PCDH11X: variants seen among roughly 807,000 people sequenced by gnomAD.
PCDH11X encodes the protein protocadherin-11 X-linked.
PCDH11X carries 18 observed loss-of-function variants against 53.3 expected under a neutral mutation model. The ratio of observed to expected loss-of-function variants is 0.34; its 90% CI spans 0.23 to 0.50. The LOEUF is 0.50. Ranked by LOEUF, PCDH11X falls within the 20% of genes least tolerant of loss-of-function variation. PCDH11X has a pLI of 0.98. For missense variants in PCDH11X, 570 were observed against 1,032.4 expected (o/e 0.55, Z 6.14); for synonymous variants, 279 against 393.3 (o/e 0.71, Z 3.44).
At chrX:92,127,083 T>C (rs1163464313) in intron 6 of PCDH11X, among the ~76,000 whole-genome samples, 6 of 111,003 alleles carry the variant, frequency 5.4e-5, no homozygotes. Context: ...GATTTTAGGA[T>C]AGTATGAAAA....
At chrX:92,059,942 G>C (rs917369011) in intron 6 of PCDH11X, among the ~76,000 whole-genome samples, 6 of 110,650 alleles carry the variant, frequency 5.4e-5, no homozygotes, top group African/African-American at 2.0e-4. Context: ...TATCTACTCT[G>C]CTTATATATG....
chrX:92,060,675 C>T (rs768665104), intron 6 of PCDH11X, among the ~76,000 whole-genome samples: 1 of 109,854 alleles, frequency 9.1e-6, no homozygotes, highest in South Asian at 3.9e-4. Context: ...TCTCTTATGG[C>T]TACATAGTAT....
intron 6 of PCDH11X, among the ~76,000 whole-genome samples, chrX:91,973,433 T>C (rs1256591968): frequency 1.1e-3 from 101 of 89,506 alleles, no homozygotes; most frequent in African/African-American, 4.1e-3. Context: ...AAACTTAAAG[T>C]ATAATAAAAA....
At chrX:92,175,201 T>C (rs1397750570) in intron 6 of PCDH11X, among the ~76,000 whole-genome samples, 1 of 111,202 alleles carries the variant, frequency 9.0e-6, no homozygotes, top group Non-Finnish European at 1.9e-5. Flanking sequence ...GGTCTCGAAC[T>C]CCCGACCTCA....
chrX:92,123,094 G>C (rs1002483872), intron 6 of PCDH11X, among the ~76,000 whole-genome samples: 2 of 111,025 alleles, frequency 1.8e-5, no homozygotes, highest in African/African-American at 6.6e-5. Context: ...TCACATTTTG[G>C]GGAAAGTTTA....
At chrX:92,277,007 A>T (rs190837838) in intron 8 of PCDH11X, among the ~76,000 whole-genome samples, 20 of 111,415 alleles carry the variant, frequency 1.8e-4, no homozygotes, top group African/African-American at 5.9e-4. Flanking sequence ...AGTCACGGAA[A>T]GAAACTGTAA....
At chrX:92,417,948 T>G (rs1160304685) in intron 9 of PCDH11X, among the ~76,000 whole-genome samples, 2 of 105,594 alleles carry the variant, frequency 1.9e-5, no homozygotes, top group Non-Finnish European at 3.9e-5. Flanking sequence ...AGTATTCAGT[T>G]TGCTCATTTT....
intron 6 of PCDH11X, among the ~76,000 whole-genome samples, chrX:91,969,717 A>C (rs1169240792): frequency 9.4e-6 from 1 of 105,975 alleles, no homozygotes; most frequent in African/African-American, 3.5e-5. Context: ...GGATCACTTG[A>C]GCTTAGGTGG....
At position 92,097,149 on chromosome X, in the gene PCDH11X, G is replaced by A. The variant is rs776788714; in HGVS notation, c.3034-104226G>A. Among the ~76,000 whole-genome samples the A allele has an allele frequency of 2.7e-5, 3 of 111,371 alleles. No individual in the cohort carries two copies. The South Asian group carries it at 1.1e-3, about 43-fold the overall frequency. On this transcript the variant is annotated intron_variant, in intron 6 of 10. Coordinates refer to ENST00000682573, the MANE Select transcript of PCDH11X (RefSeq NM_032968.5). Reference sequence around the variant, plus strand: ...GAAAAAGTCAGGGACCACGCATGGTGGCTCACACCTGTAATCCCAGTACTT... The same window carrying A: ...GAAAAAGTCAGGGACCACGCATGGTAGCTCACACCTGTAATCCCAGTACTT...
At chrX:92,196,682 A>G (rs2066297416) in intron 6 of PCDH11X, among the ~76,000 whole-genome samples, 1 of 111,577 alleles carries the variant, frequency 9.0e-6, no homozygotes. Flanking sequence ...GGTGCTTCAT[A>G]GTACCTTACT....
At chrX:91,947,021 A>G (rs1199309789) in intron 6 of PCDH11X, among the ~76,000 whole-genome samples, 8 of 103,347 alleles carry the variant, frequency 7.7e-5, no homozygotes, top group Non-Finnish European at 1.4e-4. Flanking sequence ...CCCCAGGTAT[A>G]TGTAGTACAA....
chrX:92,361,984 T>C (rs2070358115), intron 8 of PCDH11X, among the ~76,000 whole-genome samples: 1 of 111,720 alleles, frequency 9.0e-6, no homozygotes, highest in Admixed American at 9.6e-5. Context: ...CATTGTAGCA[T>C]GTGTCAAAAA....
intron 9 of PCDH11X, among the ~76,000 whole-genome samples, chrX:92,463,135 T>C (rs189296305): frequency 0.018 from 1,967 of 109,488 alleles, 16 homozygotes; most frequent in Middle Eastern, 0.06. Context: ...TTTTGCCTTA[T>C]ATTTTTAGCA....
intron 9 of PCDH11X, among the ~76,000 whole-genome samples, chrX:92,390,196 C>G (rs1343133798): frequency 9.1e-6 from 1 of 110,076 alleles, no homozygotes; most frequent in Non-Finnish European, 1.9e-5. Context: ...AGAAACTGCT[C>G]TCCTACTAAA....
At position 91,933,651 on chromosome X, in the gene PCDH11X, A is replaced by T. The variant is rs183565052; in HGVS notation, c.3033+54378A>T. 2.8e-3 allele frequency among the ~76,000 whole-genome samples: 310 copies of T among 111,456 alleles called. 3 individuals are homozygous for T. The South Asian group carries it at 0.061, about 22-fold the overall frequency. On this transcript the variant is annotated intron_variant, in intron 6 of 10. Transcript: ENST00000682573. ...ACATATTTTGGTGCATTTTTATCAA[A>T]ATATTCGCTAGTTTCTTTGTTTGTT...
At chrX:92,376,857 C>T (rs1326775250) in intron 8 of PCDH11X, among the ~76,000 whole-genome samples, 1 of 111,553 alleles carries the variant, frequency 9.0e-6, no homozygotes, top group East Asian at 2.8e-4. Context: ...TTTCAAAGTA[C>T]CACCAGTTCT....
In PCDH11X at chrX:92,203,004, C is replaced by T. The variant is rs1035995745; in HGVS notation, c.3114+1549C>T. ...CACCACTGCACTCCAGCCTGGGCAA[C>T]AAAGCAAGACTCTGTCTCAAAAAAA... On this transcript the variant is annotated intron_variant, in intron 7 of 10. Transcript: ENST00000682573. Among the ~76,000 whole-genome samples, 9 of 111,116 alleles carry T rather than the reference C, an allele frequency of 8.1e-5. No homozygotes were observed. The Admixed American group carries it at 8.6e-4, about 11-fold the overall frequency.
chrX:92,499,889 A>G (rs1365928180), intron 10 of PCDH11X, among the ~76,000 whole-genome samples: 2 of 107,941 alleles, frequency 1.9e-5, no homozygotes, highest in Non-Finnish European at 3.8e-5. Flanking sequence ...AGAAAGAGAG[A>G]GACCTTTACC....
intron 6 of PCDH11X, among the ~76,000 whole-genome samples, chrX:91,922,689 G>A (rs1197207057): frequency 8.9e-6 from 1 of 112,257 alleles, no homozygotes; most frequent in East Asian, 2.8e-4. Flanking sequence ...TCTAATGCCT[G>A]ACTATCTGAA....
Sources: gnomAD v4.1 joint callset for allele counts (sites outside exome capture counted in the v4.1 genomes callset) on GRCh38, gnomAD v4.1.1 for gene constraint, MANE v1.5 for transcripts, NCBI Gene and HGNC (gene_info 2026-07-23, HGNC 2026-07-21) for gene names.